CDH12: variants seen among roughly 807,000 people sequenced by gnomAD.
CDH12 encodes the protein cadherin-12.
CDH12 carries 41 observed loss-of-function variants against 74.1 expected under a neutral mutation model. The ratio of observed to expected loss-of-function variants is 0.55; its 90% CI spans 0.43 to 0.72. The LOEUF is 0.72. CDH12 is among the 30% of genes least tolerant of loss of function. The pLI is 0.00. For missense variants in CDH12, 945 were observed against 977.2 expected (o/e 0.97, Z 0.44); for synonymous variants, 399 against 355.0 (o/e 1.12, Z -1.39).
chr5:21,850,755 G>T (rs762084093), intron 7 of CDH12, among the ~76,000 whole-genome samples: 8 of 151,260 alleles, frequency 5.3e-5, no homozygotes, highest in Non-Finnish European at 1.0e-4. Flanking sequence ...TTTAGAACAG[G>T]ATCACACAGC....
chr5:21,923,878 C>A (rs762331647), intron 6 of CDH12, among the ~76,000 whole-genome samples: 4 of 152,098 alleles, frequency 2.6e-5, no homozygotes, highest in Non-Finnish European at 5.9e-5. Context: ...ATCAAAATTT[C>A]TCTTTTGCAA....
At chr5:22,128,942 A>G (rs1042722366) in intron 4 of CDH12, among the ~76,000 whole-genome samples, 8 of 152,244 alleles carry the variant, frequency 5.3e-5, no homozygotes, top group Non-Finnish European at 1.0e-4. Flanking sequence ...GATATATGAT[A>G]CATAATTTTT....
chr5:22,412,568 T>C (rs1743209326), intron 2 of CDH12, among the ~76,000 whole-genome samples: 1 of 152,002 alleles, frequency 6.6e-6, no homozygotes, highest in Non-Finnish European at 1.5e-5. Flanking sequence ...TTCTCTGTTT[T>C]ATATGACTTT....
At chr5:22,065,218 T>G (rs912823908) in intron 5 of CDH12, among the ~76,000 whole-genome samples, 11 of 152,100 alleles carry the variant, frequency 7.2e-5, no homozygotes, top group African/African-American at 2.7e-4. Flanking sequence ...GGCCCTGAAG[T>G]TGAGGTGCAA....
At chr5:22,452,591 A>C (rs551088617) in intron 2 of CDH12, among the ~76,000 whole-genome samples, 66 of 152,078 alleles carry the variant, frequency 4.3e-4, no homozygotes, top group Non-Finnish European at 3.2e-4. Context: ...TACATATTTA[A>C]ATTTAAGATC....
At chr5:21,763,485 C>T (rs894651463) in intron 12 of CDH12, among the ~76,000 whole-genome samples, 6 of 151,890 alleles carry the variant, frequency 4.0e-5, no homozygotes, top group Non-Finnish European at 5.9e-5. Flanking sequence ...CTTTTTTCAA[C>T]AAAAATACTG....
At chr5:22,063,638 A>G (rs181748253) in intron 5 of CDH12, among the ~76,000 whole-genome samples, 1 of 151,580 alleles carries the variant, frequency 6.6e-6, no homozygotes, top group Non-Finnish European at 1.5e-5. Flanking sequence ...AGTTAATTTT[A>G]TGTGTCAGTT....
chr5:22,756,097 C>A (rs1319307409), intron 1 of CDH12, among the ~76,000 whole-genome samples: 4 of 82,324 alleles, frequency 4.9e-5, no homozygotes, highest in Admixed American at 1.9e-4. Flanking sequence ...CTTCAAGGAC[C>A]GAAAAAAAAA....
chr5:22,165,921 C>T (rs1326825194), intron 4 of CDH12, among the ~76,000 whole-genome samples: 1 of 152,124 alleles, frequency 6.6e-6, no homozygotes, highest in East Asian at 1.9e-4. Flanking sequence ...CATGAATAAT[C>T]TGAATAATCT....
intron 5 of CDH12, among the ~76,000 whole-genome samples, chr5:22,026,148 C>T (rs956451234): frequency 1.3e-5 from 2 of 152,120 alleles, no homozygotes; most frequent in Non-Finnish European, 2.9e-5. Context: ...TATCAATTTA[C>T]TTTGCCCAGA....
intron 3 of CDH12, among the ~76,000 whole-genome samples, chr5:22,231,274 A>G (rs1212918551): frequency 6.6e-6 from 1 of 152,118 alleles, no homozygotes. Context: ...TTTGAATTAA[A>G]CCACATATAT....
chr5:21,782,272 C>T (rs902627833), intron 11 of CDH12, among the ~76,000 whole-genome samples: 1 of 152,124 alleles, frequency 6.6e-6, no homozygotes, highest in African/African-American at 2.4e-5. Flanking sequence ...TTCCAACGAG[C>T]AAGGCAGAAG....
At chr5:22,049,887 T>G (rs1471657365) in intron 5 of CDH12, among the ~76,000 whole-genome samples, 6 of 152,142 alleles carry the variant, frequency 3.9e-5, no homozygotes, top group Non-Finnish European at 7.4e-5. Context: ...ATGCCCATGT[T>G]GCCATCAGAG....
intron 3 of CDH12, among the ~76,000 whole-genome samples, chr5:22,400,283 A>G (rs967877318): frequency 4.6e-5 from 7 of 152,108 alleles, no homozygotes; most frequent in African/African-American, 1.7e-4. Context: ...TACAAAGGTC[A>G]CAGTACAACA....
At chr5:22,220,333 T>G (rs7716210) in intron 3 of CDH12, among the ~76,000 whole-genome samples, 6,098 of 151,814 alleles carry the variant, frequency 0.04, 427 homozygotes, top group African/African-American at 0.14. Flanking sequence ...AAAACACTAA[T>G]GCATTTTATT....
At chr5:21,952,742 A>G (rs1755921429) in intron 6 of CDH12, among the ~76,000 whole-genome samples, 1 of 150,512 alleles carries the variant, frequency 6.6e-6, no homozygotes, top group South Asian at 2.1e-4. Context: ...GTTGAGGACT[A>G]AATTCTGATT....
At chr5:22,478,729 G>A (rs1463898357) in intron 2 of CDH12, among the ~76,000 whole-genome samples, 1 of 151,478 alleles carries the variant, frequency 6.6e-6, no homozygotes, top group East Asian at 1.9e-4. Flanking sequence ...GTTAATTATG[G>A]ATTTAAAATC....
At chr5:22,011,511 A>G (rs1484446085) in intron 5 of CDH12, among the ~76,000 whole-genome samples, 2 of 152,090 alleles carry the variant, frequency 1.3e-5, no homozygotes, top group African/African-American at 4.8e-5. Context: ...CTTCTGGAAG[A>G]TCTGAATCAT....
At chr5:22,695,446 C>T (rs1742310531) in intron 1 of CDH12, among the ~76,000 whole-genome samples, 1 of 152,064 alleles carries the variant, frequency 6.6e-6, no homozygotes, top group Non-Finnish European at 1.5e-5. Context: ...GGAACAGAGA[C>T]ATCAGAAATA....
Sources: allele counts gnomAD v4.1 joint callset (sites outside exome capture counted in the v4.1 genomes callset), GRCh38; gene constraint gnomAD v4.1.1; transcripts MANE v1.5; gene names NCBI Gene and HGNC (gene_info 2026-07-23, HGNC 2026-07-21).